The following DNM2 variants were observed in gnomAD, a reference collection of about 807,000 sequenced individuals.
DNM2 encodes dynamin 2.
A neutral mutation model predicts 99.0 loss-of-function variants in DNM2; 15 were observed. The observed-to-expected ratio is 0.15, with a 90% confidence interval of 0.10 to 0.23. DNM2 has a LOEUF of 0.23. Ranked by LOEUF, DNM2 falls within the 10% of genes least tolerant of loss-of-function variation. The pLI is 1.00. For synonymous variants in DNM2, 525 were observed against 481.2 expected (o/e 1.09, Z -1.19); for missense variants, 742 against 1,189.4 (o/e 0.62, Z 5.53).
chr19:10,808,588 C>T lies in DNM2; in HGVS notation c.1557+8C>T. Reference sequence around the variant, plus strand: ...TCAAAGGGGGAGATCCTGGTAAGTACATGCTTAGTGTGGTAGCAAACATTA... The same window carrying T: ...TCAAAGGGGGAGATCCTGGTAAGTATATGCTTAGTGTGGTAGCAAACATTA... On this transcript the variant is annotated splice_region_variant and intron_variant, in intron 14 of 20. Coordinates refer to ENST00000389253, the MANE Select transcript of DNM2 (RefSeq NM_001005361.3). 1.2e-6 allele frequency: 2 copies of T among 1,612,180 alleles called. No individual in the cohort carries two copies. The highest frequency in any genetic ancestry group is 1.1e-5 in the South Asian group (1 of 90,456).
chr19:10,734,348 A>AAG (rs2069443497), intron 1 of DNM2, among the ~76,000 whole-genome samples: 1 of 151,140 alleles, frequency 6.6e-6, no homozygotes, highest in African/African-American at 2.4e-5. Flanking sequence ...GTCTCAAAAA[A>AAG]AAAAAAAAAA....
Position 10,830,297 on chromosome 19 carries a change from A to G in DNM2, c.2462A>G (p.Asn821Ser), listed in dbSNP as rs1056840783. The change falls in exon 20 of 21, where the codon AAC becomes AGC. Residue 821 changes from asparagine (N) to serine (S), a missense_variant. Asn to Ser is a conservative substitution (Grantham distance 46). Coordinates refer to ENST00000389253, the MANE Select transcript of DNM2 (RefSeq NM_001005361.3). This position sits in a 1 kb window ranked among gnomAD's most constrained non-coding sequence, Gnocchi z 4.8. ...CCTGGACCCCAGAGCGTGTTTGCCA[A>G]CAGTGACCTCTTCCCAGCCCCGCCT... ...SRPGPQSVFA[N>S]SDLFPAPPQI... 3 of 1,613,684 alleles carry G rather than the reference A, an allele frequency of 1.9e-6. No homozygotes were observed. The Admixed American group carries it at 5.0e-5, about 27-fold the overall frequency.
intron 1 of DNM2, among the ~76,000 whole-genome samples, chr19:10,719,626 G>A (rs1257795148): frequency 1.3e-5 from 2 of 152,248 alleles, no homozygotes; most frequent in Non-Finnish European, 2.9e-5. Context: ...CTCCCAGATG[G>A]GCGGCCACTT....
chr19:10,769,274 A>T (rs1337264550), intron 2 of DNM2: 3 of 152,388 alleles, frequency 2.0e-5, no homozygotes, highest in Non-Finnish European at 4.4e-5. Context: ...TCATTACTGC[A>T]CACAGCGTGC....
chr19:10,746,796 T>A (rs948108785), intron 1 of DNM2, among the ~76,000 whole-genome samples: 2 of 141,078 alleles, frequency 1.4e-5, no homozygotes, highest in Non-Finnish European at 3.0e-5. Context: ...TGGCATGATC[T>A]CACAATCTCA....
chr19:10,779,319 C>T (rs765963159), intron 5 of DNM2, among the ~76,000 whole-genome samples: 28 of 151,750 alleles, frequency 1.8e-4, no homozygotes, highest in Non-Finnish European at 4.0e-4. Flanking sequence ...TTCCTATCAG[C>T]CCTATAGCCC....
chr19:10,754,344 C>T (rs1185870110), intron 1 of DNM2, among the ~76,000 whole-genome samples: 1 of 151,668 alleles, frequency 6.6e-6, no homozygotes, highest in East Asian at 1.9e-4. Flanking sequence ...CAGCCTCCGC[C>T]TCCCAGGTTC....
rs2072568134 is a variant in DNM2 at position 10,812,099 on chromosome 19, G to A, written c.1558-165G>A. 3.3e-6 allele frequency: 2 copies of A among 608,766 alleles called. No individual in the cohort carries two copies. Among genetic ancestry groups the A allele is most frequent in the African/African-American group, 3.7e-5 (2 of 54,198 alleles). The allele number at this position is 608,766 out of a possible 1,614,324, so 37.7% of individuals were successfully genotyped here. A position where few individuals can be genotyped will look rare whatever the true frequency, so the allele number is the denominator to read the frequency against. On this transcript the variant is annotated intron_variant, in intron 14 of 20. Coordinates refer to ENST00000389253, the MANE Select transcript of DNM2 (RefSeq NM_001005361.3). The surrounding 1 kb of genome is among the most constrained non-coding windows in gnomAD (Gnocchi z 4.0). Reference sequence around the variant, plus strand: ...TGGCGCCTCATGTTGGTTTCCTGCTGGAAATGCTTGGGACAGGGTGGAACT... The same window carrying A: ...TGGCGCCTCATGTTGGTTTCCTGCTAGAAATGCTTGGGACAGGGTGGAACT...
At chr19:10,791,883 T>C (rs2071765694) in intron 7 of DNM2, among the ~76,000 whole-genome samples, 1 of 152,072 alleles carries the variant, frequency 6.6e-6, no homozygotes, top group Non-Finnish European at 1.5e-5. Context: ...GTCAGGAGAT[T>C]GAGAGACCAG....
intron 1 of DNM2, among the ~76,000 whole-genome samples, chr19:10,732,602 A>AG (rs913586590): frequency 2.0e-5 from 3 of 152,006 alleles, no homozygotes; most frequent in African/African-American, 7.2e-5. Flanking sequence ...TCCGTCTCAA[A>AG]AAAAAAGGAA....
chr19:10,776,618 A>T (rs1205921446), intron 4 of DNM2, among the ~76,000 whole-genome samples: 1 of 152,228 alleles, frequency 6.6e-6, no homozygotes, highest in East Asian at 1.9e-4. Flanking sequence ...AGACTTTGCT[A>T]GAAAGACATC....
chr19:10,783,252 G>A, intron 6 of DNM2, 132 bp downstream of exon 6: 2 of 1,398,856 alleles, frequency 1.4e-6, no homozygotes, highest in South Asian at 1.2e-5. Context: ...TCCACATTTA[G>A]CCTAGGAGTT....
At chr19:10,726,940 G>C (rs376218830) in intron 1 of DNM2, among the ~76,000 whole-genome samples, 5 of 152,138 alleles carry the variant, frequency 3.3e-5, no homozygotes, top group African/African-American at 1.2e-4. Context: ...CTATCAACTC[G>C]CTACTCAGAG....
At chr19:10,785,465 C>T (rs557502967) in intron 6 of DNM2, among the ~76,000 whole-genome samples, 25 of 152,274 alleles carry the variant, frequency 1.6e-4, no homozygotes, top group African/African-American at 5.5e-4. Flanking sequence ...AGGTCTTACT[C>T]TGTTGTCCAG....
Position 10,719,861 on chromosome 19 carries a change from A to G in DNM2, c.161+1458A>G, listed in dbSNP as rs776328510. On this transcript the variant is annotated intron_variant, in intron 1 of 20. Coordinates refer to ENST00000389253, the MANE Select transcript of DNM2 (RefSeq NM_001005361.3). ...GAAGGGACTGTGATCACCCAAGGCC[A>G]CTAGGCTGGCGTAAGGCCTTGTGTC... is the stretch of plus-strand genomic sequence containing the variant. Among the ~76,000 whole-genome samples, 53 of 152,206 alleles carry G rather than the reference A, an allele frequency of 3.5e-4. 1 individual carries two copies. The highest frequency in any genetic ancestry group is 2.0e-4 in the Admixed American group (3 of 15,274).
At chr19:10,718,610 G>A in intron 1 of DNM2, 3 of 735,838 alleles carry the variant, frequency 4.1e-6, no homozygotes, top group Non-Finnish European at 5.5e-6. Flanking sequence ...CGGGCCCCAG[G>A]GGCGGTGTCA....
chr19:10,770,385 A>G (rs114447537), intron 2 of DNM2, among the ~76,000 whole-genome samples: 102 of 152,274 alleles, frequency 6.7e-4, no homozygotes, highest in Non-Finnish European at 1.1e-3. Flanking sequence ...CCTCTTTGCC[A>G]GTGTGACTTA....
At chr19:10,740,271 T>G (rs2069695195) in intron 1 of DNM2, among the ~76,000 whole-genome samples, 1 of 152,200 alleles carries the variant, frequency 6.6e-6, no homozygotes. Flanking sequence ...ATTTCTTCTC[T>G]AATTATTTCC....
At position 10,796,242 on chromosome 19, in the gene DNM2, G is replaced by A. The variant is rs565010494; in HGVS notation, c.1196+803G>A. 16 of 1,612,958 alleles carry A rather than the reference G, an allele frequency of 9.9e-6. No homozygotes were observed. The highest frequency in any genetic ancestry group is 1.7e-5 in the Admixed American group (1 of 60,018). ...GGGTGACTCCTGACCTTGTGGAAAC[G>A]GGGGTACGGGGGTTTGGTATCAGGC... On this transcript the variant is annotated intron_variant, in intron 9 of 20. Coordinates refer to ENST00000389253, the MANE Select transcript of DNM2 (RefSeq NM_001005361.3). The surrounding 1 kb of genome is among the most constrained non-coding windows in gnomAD (Gnocchi z 5.6).
Sources: gnomAD v4.1 joint callset for allele counts (sites outside exome capture counted in the v4.1 genomes callset) on GRCh38, gnomAD v4.1.1 for gene constraint, Gnocchi (gnomAD v3.1) non-coding constraint, MANE v1.5 for transcripts, NCBI Gene and HGNC (gene_info 2026-07-23, HGNC 2026-07-21) for gene names.